GFPT1: variants seen among roughly 807,000 people sequenced by gnomAD.
The protein encoded by GFPT1 is glutamine--fructose-6-phosphate aminotransferase [isomerizing] 1.
In GFPT1, 40 loss-of-function variants were observed where a neutral mutation model predicts 92.0. That is an observed-to-expected ratio of 0.43 (90% CI 0.34 to 0.57). GFPT1 has a LOEUF of 0.57. Among genes scored for constraint, GFPT1 ranks in the 20% least tolerant of loss-of-function variants. The pLI is 0.02. For missense variants in GFPT1, 448 were observed against 869.1 expected, an observed-to-expected ratio of 0.52 and a Z score of 6.09; for synonymous variants, 269 against 280.6, an observed-to-expected ratio of 0.96 and a Z score of 0.41.
At chr2:69,360,442 A>ATTT (rs199904047) in intron 4 of GFPT1, among the ~76,000 whole-genome samples, 3,269 of 144,266 alleles carry the variant, frequency 0.023, 147 homozygotes, top group African/African-American at 0.076. Context: ...TTATCAAAAT[A>ATTT]TTTTTTTTTT....
intron 1 of GFPT1, among the ~76,000 whole-genome samples, chr2:69,380,707 A>T (rs1671988288): frequency 6.6e-6 from 1 of 152,142 alleles, no homozygotes; most frequent in Non-Finnish European, 1.5e-5. Context: ...GCCAAGTCAA[A>T]CCCTCTGGGT....
rs184179360 is a variant in GFPT1 at position 69,327,222 on chromosome 2, G to A, written c.1894-147C>T. 2.7e-5 allele frequency: 20 copies of A among 740,418 alleles called. No individual in the cohort carries two copies. In the East Asian group the frequency reaches 5.1e-4, roughly 19 times the overall value. The allele number at this position is 740,418 out of a possible 1,614,324, so 45.9% of individuals were successfully genotyped here. On this transcript the variant is annotated intron_variant, in intron 18 of 19. Transcript: ENST00000357308. ...AAATTCCTGTGTAGTAAATCTGATT[G>A]TTATTACTTATAGTCGAGGAAACAG...
intron 7 of GFPT1, among the ~76,000 whole-genome samples, chr2:69,354,870 G>A (rs996835418): frequency 2.0e-5 from 3 of 152,060 alleles, no homozygotes; most frequent in Admixed American, 6.6e-5. Flanking sequence ...CAGGTGTGAT[G>A]GCACGTGCCT....
intron 17 of GFPT1, 40 bp downstream of exon 17, chr2:69,329,257 G>A: frequency 6.3e-7 from 1 of 1,598,778 alleles, no homozygotes; most frequent in Non-Finnish European, 8.6e-7. Context: ...CAGGTCTGCA[G>A]GTCAATGGAC....
chr2:69,325,388 A>G lies in GFPT1; in HGVS notation c.*801T>C, dbSNP rs1670503633. The stretch of plus-strand genomic sequence containing the variant: ...AGACTACAGATACAAGGAAATAAAA[A>G]CCACTTTTAGGAGATGAAAACACAA... On this transcript the variant is annotated 3_prime_UTR_variant, in exon 20 of 20. Transcript: ENST00000357308. The G allele has an allele frequency of 6.6e-6, 1 of 152,174 alleles. No homozygotes were observed. Among genetic ancestry groups the G allele is most frequent in the Admixed American group, 6.5e-5 (1 of 15,280 alleles). 9.4% of individuals were successfully genotyped at this position (152,174 alleles called of 1,614,324 possible). A position where few individuals can be genotyped will look rare whatever the true frequency, so the allele number is the denominator to read the frequency against.
intron 13 of GFPT1, among the ~76,000 whole-genome samples, chr2:69,341,795 C>G (rs1458917552): frequency 1.3e-5 from 2 of 152,178 alleles, no homozygotes; most frequent in Non-Finnish European, 2.9e-5. Context: ...TGCAGGCCAT[C>G]TGTCTAGGGC....
intron 9 of GFPT1, 109 bp from the exon 10 acceptor site, chr2:69,350,292 C>G: frequency 2.6e-6 from 2 of 771,660 alleles, no homozygotes; most frequent in Non-Finnish European, 4.4e-6. Flanking sequence ...CAACACAAAA[C>G]AATTTTAGCA....
intron 9 of GFPT1, among the ~76,000 whole-genome samples, chr2:69,353,081 T>C (rs950588588): frequency 3.3e-5 from 5 of 151,606 alleles, no homozygotes; most frequent in African/African-American, 4.8e-5. Flanking sequence ...ATTTGAGATA[T>C]CAATGTCTGT....
chr2:69,372,137 C>T (rs1486281637), intron 2 of GFPT1, among the ~76,000 whole-genome samples: 1 of 144,492 alleles, frequency 6.9e-6, no homozygotes, highest in East Asian at 2.1e-4. Context: ...GAGGTGGAGG[C>T]TGCAGTGAGC....
Position 69,356,476 on chromosome 2 carries a change from A to C in GFPT1, c.605+20T>G, listed in dbSNP as rs1671341001. ...TCAAATATGTTGAAATACATTAGTC[A>C]TTGTTAGAGTTATATGTACCTTGTG... is the stretch of plus-strand genomic sequence containing the variant. On this transcript the variant is annotated intron_variant, in intron 7 of 19. Transcript: ENST00000357308. The C allele has an allele frequency of 6.5e-7, 1 of 1,546,654 alleles. No homozygotes were observed. Among genetic ancestry groups the C allele is most frequent in the Non-Finnish European group, 8.9e-7 (1 of 1,118,598 alleles).
chr2:69,338,138 A>C (rs1238367712), intron 14 of GFPT1, 83 bp from the exon 15 acceptor site: 1 of 1,164,302 alleles, frequency 8.6e-7, no homozygotes, highest in African/African-American at 1.5e-5. Flanking sequence ...AATTGACCAC[A>C]CTTTCAACAA....
rs1020880355 is a variant in GFPT1 at position 69,324,849 on chromosome 2, C to T, written c.*1340G>A. 3 of 152,188 alleles carry T rather than the reference C, an allele frequency of 2.0e-5. No homozygotes were observed. Among genetic ancestry groups the T allele is most frequent in the Non-Finnish European group, 2.9e-5 (2 of 68,030 alleles). The allele number at this position is 152,188 out of a possible 1,614,324, so 9.4% of individuals were successfully genotyped here. ...GAAAAGCTCCATTAAGAAATTATTACTCACAATTTTGGGGGTATCAAATAA... is the reference window on the plus strand; with the variant it reads ...GAAAAGCTCCATTAAGAAATTATTATTCACAATTTTGGGGGTATCAAATAA... On this transcript the variant is annotated 3_prime_UTR_variant, in exon 20 of 20. Transcript: ENST00000357308.
chr2:69,368,720 C>G (rs1671670098), intron 3 of GFPT1, among the ~76,000 whole-genome samples: 1 of 151,140 alleles, frequency 6.6e-6, no homozygotes, highest in Non-Finnish European at 1.5e-5. Flanking sequence ...TACAGCGAGA[C>G]TCCATCTGGG....
intron 3 of GFPT1, among the ~76,000 whole-genome samples, chr2:69,365,908 G>A (rs1196405717): frequency 6.6e-6 from 1 of 152,060 alleles, no homozygotes; most frequent in Admixed American, 6.6e-5. Context: ...TCCCTCCCGG[G>A]TTCAAGCGAT....
At chr2:69,344,231 A>T (rs952286349) in intron 12 of GFPT1, among the ~76,000 whole-genome samples, 7 of 150,072 alleles carry the variant, frequency 4.7e-5, no homozygotes, top group African/African-American at 1.5e-4. Context: ...TACCAGAAAG[A>T]CCTGTATTGC....
intron 9 of GFPT1, among the ~76,000 whole-genome samples, chr2:69,352,964 T>TG (rs1671248113): frequency 6.6e-6 from 1 of 152,158 alleles, no homozygotes; most frequent in African/African-American, 2.4e-5. Flanking sequence ...GAGACTCGCT[T>TG]GAACCCGGGA....
chr2:69,347,570 C>T (rs556604323), intron 11 of GFPT1, among the ~76,000 whole-genome samples: 42 of 151,656 alleles, frequency 2.8e-4, no homozygotes, highest in African/African-American at 9.4e-4. Flanking sequence ...CTCTGCCTCC[C>T]GGGTTCAAGC....
chr2:69,331,359 GTAGT>G (rs2104603796), intron 15 of GFPT1, among the ~76,000 whole-genome samples: 1 of 152,116 alleles, frequency 6.6e-6, no homozygotes, highest in Non-Finnish European at 1.5e-5. Flanking sequence ...TTTTAAGAAG[GTAGT>G]TATTGTTCAA....
chr2:69,338,088 G>A (rs201154087), intron 14 of GFPT1, 33 bp from the exon 15 acceptor site: 746 of 1,605,638 alleles, frequency 4.6e-4, no homozygotes, highest in Non-Finnish European at 5.7e-4. Flanking sequence ...ATAACACACA[G>A]AACAGTTTTA....
Sources: allele counts gnomAD v4.1 joint callset (sites outside exome capture counted in the v4.1 genomes callset), GRCh38; gene constraint gnomAD v4.1.1; transcripts MANE v1.5; gene names NCBI Gene and HGNC (gene_info 2026-07-23, HGNC 2026-07-21).